The following STXBP5L variants were observed in gnomAD, a reference collection of about 807,000 sequenced individuals.
STXBP5L encodes the protein syntaxin-binding protein 5-like.
Under a neutral mutation model 144.5 loss-of-function variants are expected in STXBP5L, and 65 were observed. The ratio of observed to expected loss-of-function variants is 0.45; its 90% CI spans 0.37 to 0.55. The LOEUF (loss-of-function observed/expected upper bound fraction) is 0.55, where lower values mean the gene tolerates loss of function less well. Among genes scored for constraint, STXBP5L ranks in the 20% least tolerant of loss-of-function variants. The pLI is 0.00. For synonymous variants in STXBP5L, 505 were observed against 469.6 expected, an observed-to-expected ratio of 1.08 and a Z score of -0.97; for missense variants, 1,298 against 1,405.5, an observed-to-expected ratio of 0.92 and a Z score of 1.22.
At chr3:120,970,827 A>T (rs1576523656) in intron 3 of STXBP5L, among the ~76,000 whole-genome samples, 1 of 151,988 alleles carries the variant, frequency 6.6e-6, no homozygotes, top group South Asian at 2.1e-4. Flanking sequence ...GGGAACTTAT[A>T]TTGAGCACAG....
chr3:121,043,033 T>A (rs1317060057), intron 4 of STXBP5L, among the ~76,000 whole-genome samples: 2 of 151,900 alleles, frequency 1.3e-5, no homozygotes, highest in Admixed American at 6.6e-5. Flanking sequence ...TTGTACTGGG[T>A]CTGATCCTTT....
rs147676339 is a variant in STXBP5L at position 121,369,706 on chromosome 3, C to T, written c.2177-9010C>T. 2.0e-5 allele frequency among the ~76,000 whole-genome samples: 3 copies of T among 152,224 alleles called. No homozygotes were observed. In the East Asian group the frequency reaches 5.8e-4, roughly 29 times the overall value. ...CTTGTAGGTTTTCTGCTGAGAAATC[C>T]ACTTTAGTCTGATGGGCTTCCTTTT... is the stretch of plus-strand genomic sequence containing the variant. On this transcript the variant is annotated intron_variant, in intron 20 of 26. Transcript: ENST00000471454.
At chr3:121,356,193 C>T (rs761912916) in intron 20 of STXBP5L, among the ~76,000 whole-genome samples, 5 of 152,376 alleles carry the variant, frequency 3.3e-5, no homozygotes, top group South Asian at 2.1e-4. Context: ...AGAGTTCAAA[C>T]GCCGTGCTGG....
intron 5 of STXBP5L, among the ~76,000 whole-genome samples, chr3:121,081,789 G>A (rs1298798410): frequency 6.6e-6 from 1 of 152,146 alleles, no homozygotes; most frequent in Admixed American, 6.5e-5. Flanking sequence ...GTTGGCTGGG[G>A]GAGCTCTCAA....
rs143624043 is a variant in STXBP5L at position 120,954,719 on chromosome 3, A to G, written c.190-221A>G. 4.5e-3 allele frequency among the ~76,000 whole-genome samples: 689 copies of G among 152,184 alleles called. 4 individuals carry two copies. Among genetic ancestry groups the G allele is most frequent in the African/African-American group, 0.016 (656 of 41,558 alleles). On this transcript the variant is annotated intron_variant, in intron 2 of 26. Transcript: ENST00000471454. ...GTAAGACAGATGTATATTTAGTTTT[A>G]TAAGAAACTGCAAGATATTTTAAAA...
chr3:121,001,336 G>A (rs1576622052), intron 3 of STXBP5L, among the ~76,000 whole-genome samples: 1 of 152,328 alleles, frequency 6.6e-6, no homozygotes. Context: ...ATGTGGCCAG[G>A]CAGAGATCCT....
chr3:121,203,843 G>T (rs1184881022), intron 9 of STXBP5L, among the ~76,000 whole-genome samples: 1 of 152,110 alleles, frequency 6.6e-6, no homozygotes, highest in East Asian at 1.9e-4. Context: ...TAAACTAAGG[G>T]GAGTGGATCT....
At chr3:121,416,791 C>A (rs2047250045) in intron 25 of STXBP5L, among the ~76,000 whole-genome samples, 5 of 152,026 alleles carry the variant, frequency 3.3e-5, no homozygotes, top group Admixed American at 3.3e-4. Flanking sequence ...AGGCATGAGC[C>A]ACCACACCCA....
chr3:121,148,933 A>T (rs900650521), intron 7 of STXBP5L, among the ~76,000 whole-genome samples: 2 of 152,154 alleles, frequency 1.3e-5, no homozygotes, highest in Non-Finnish European at 2.9e-5. Flanking sequence ...AATGCTACAA[A>T]TATAATAGAA....
chr3:121,079,422 G>T (rs2042160875), intron 5 of STXBP5L, among the ~76,000 whole-genome samples: 1 of 152,210 alleles, frequency 6.6e-6, no homozygotes, highest in Non-Finnish European at 1.5e-5. Flanking sequence ...GTGGAGTATA[G>T]ATAAGGTTCA....
chr3:121,337,202 A>G (rs2044538061), intron 20 of STXBP5L, among the ~76,000 whole-genome samples: 1 of 152,062 alleles, frequency 6.6e-6, no homozygotes, highest in Non-Finnish European at 1.5e-5. Flanking sequence ...CCATGACATG[A>G]GTTTACTTAT....
intron 10 of STXBP5L, among the ~76,000 whole-genome samples, chr3:121,222,696 C>T (rs338972): frequency 0.99 from 151,374 of 152,276 alleles, 75,236 homozygotes; most frequent in Middle Eastern, 1. Flanking sequence ...AAGTAAAGTA[C>T]GTGAAGATGT....
At chr3:121,380,589 T>C (rs899669451) in intron 21 of STXBP5L, among the ~76,000 whole-genome samples, 6 of 151,690 alleles carry the variant, frequency 4.0e-5, no homozygotes, top group African/African-American at 1.5e-4. Context: ...CCTGAAACCA[T>C]CCTGTTTTTT....
chr3:121,318,193 C>T lies in STXBP5L; in HGVS notation c.2111-282C>T, dbSNP rs753975890. ...TCAGAATAGGCCAGGCATGGTGGCT[C>T]ACACCTGTAATCCCAACACTTTGGG... On this transcript the variant is annotated intron_variant, in intron 19 of 26. Coordinates refer to ENST00000471454, the MANE Select transcript of STXBP5L (RefSeq NM_001308330.2). Among the ~76,000 whole-genome samples the T allele has an allele frequency of 5.9e-4, 90 of 152,138 alleles. 1 individual carries two copies. The highest frequency in any genetic ancestry group is 8.1e-4 in the Non-Finnish European group (55 of 67,998).
intron 3 of STXBP5L, among the ~76,000 whole-genome samples, chr3:120,974,197 G>A (rs1420788914): frequency 6.6e-6 from 1 of 152,058 alleles, no homozygotes; most frequent in East Asian, 1.9e-4. Context: ...ATCCTCTCTA[G>A]CACCTGTTGT....
At chr3:121,411,489 A>G (rs1184607087) in intron 23 of STXBP5L, among the ~76,000 whole-genome samples, 1 of 152,144 alleles carries the variant, frequency 6.6e-6, no homozygotes, top group Non-Finnish European at 1.5e-5. Context: ...AAAGGCAATG[A>G]GACTGGTTTT....
intron 2 of STXBP5L, among the ~76,000 whole-genome samples, chr3:120,921,894 A>G (rs1022991479): frequency 6.6e-6 from 1 of 151,996 alleles, no homozygotes; most frequent in African/African-American, 2.4e-5. Flanking sequence ...GAAGTCAGGT[A>G]GTGTGATGCC....
chr3:120,985,193 C>G (rs983537772), intron 3 of STXBP5L, among the ~76,000 whole-genome samples: 1 of 151,784 alleles, frequency 6.6e-6, no homozygotes, highest in Non-Finnish European at 1.5e-5. Flanking sequence ...TTAGGAAGTA[C>G]TCCCTCATTT....
intron 5 of STXBP5L, among the ~76,000 whole-genome samples, chr3:121,100,649 A>G (rs1211230278): frequency 1.3e-5 from 2 of 152,176 alleles, no homozygotes; most frequent in East Asian, 3.8e-4. Flanking sequence ...AGTCATAAAG[A>G]TCTCAAATTA....
Sources: allele counts gnomAD v4.1 joint callset (sites outside exome capture counted in the v4.1 genomes callset), GRCh38; gene constraint gnomAD v4.1.1; transcripts MANE v1.5; gene names NCBI Gene and HGNC (gene_info 2026-07-23, HGNC 2026-07-21).